Variants in IL4R observed in about 807,000 individuals in gnomAD.
The protein encoded by IL4R is interleukin-4 receptor subunit alpha.
A neutral mutation model predicts 41.5 loss-of-function variants in IL4R; 17 were observed. The ratio of observed to expected loss-of-function variants is 0.41; its 90% CI spans 0.28 to 0.61. IL4R has a LOEUF of 0.61. Ranked by LOEUF, IL4R falls within the 20% of genes least tolerant of loss-of-function variation. IL4R has a pLI of 0.31. For missense variants in IL4R, 974 were observed against 1,043.1 expected (o/e 0.93, Z 0.91); for synonymous variants, 402 against 422.9 (o/e 0.95, Z 0.61).
chr16:27,339,092 TG>T (rs961225866), intron 2 of IL4R, among the ~76,000 whole-genome samples: 19 of 152,116 alleles, frequency 1.2e-4, no homozygotes, highest in Admixed American at 1.3e-4. Flanking sequence ...TGACCTCAGG[TG>T]ATCCACCCAC....
intron 1 of IL4R, among the ~76,000 whole-genome samples, chr16:27,319,237 G>A (rs555023095): frequency 6.6e-6 from 1 of 152,320 alleles, no homozygotes; most frequent in African/African-American, 2.4e-5. Context: ...CAGAGGTCAG[G>A]GAGGGAGCTG....
At chr16:27,352,476 C>T in intron 6 of IL4R, 64 bp from the exon 7 acceptor site, 1 of 1,436,590 alleles carries the variant, frequency 7.0e-7, no homozygotes, top group East Asian at 2.3e-5. Context: ...CGACAGCAAC[C>T]AGGGTGGGCA....
intron 9 of IL4R, 95 bp from the exon 10 acceptor site, chr16:27,360,671 G>C: frequency 6.9e-7 from 1 of 1,445,344 alleles, no homozygotes; most frequent in African/African-American, 1.4e-5. Context: ...TGATCTGTGT[G>C]ATGTCGAGGC....
At chr16:27,313,806 C>A, upstream of IL4R, 1 of 610,414 alleles carries the variant, frequency 1.6e-6, no homozygotes, top group Non-Finnish European at 2.1e-6. Context: ...GGGACAGCGA[C>A]AGGGGCGCGA....
chr16:27,362,763 C>G lies in IL4R; in HGVS notation c.1411C>G (p.Pro471Ala), dbSNP rs1332379277. The G allele has an allele frequency of 1.2e-6, 2 of 1,613,998 alleles. No individual in the cohort carries two copies. The highest frequency in any genetic ancestry group is 1.7e-5 in the Admixed American group (1 of 60,012). Reference sequence around the variant, plus strand: ...GCAGCCTCTCCACCTGGAGCCAAGTCCTCCTGCCAGCCCGACCCAGAGTCC... The same window carrying G: ...GCAGCCTCTCCACCTGGAGCCAAGTGCTCCTGCCAGCCCGACCCAGAGTCC... ...KEQPLHLEPSPPASPTQSPDN... is the reference protein window; with the variant it reads ...KEQPLHLEPSAPASPTQSPDN... Residue 471 changes from proline (P) to alanine (A), a missense_variant, in exon 11 of 11, where the codon CCT becomes GCT. Around this residue, in one of 3 missense-constraint regions of IL4R, gnomAD observed 682 missense variants for 704.3 expected, o/e 0.97. Coordinates refer to ENST00000395762, the MANE Select transcript of IL4R (RefSeq NM_000418.4).
intron 10 of IL4R, among the ~76,000 whole-genome samples, chr16:27,362,009 T>C (rs3024674): frequency 4.2e-4 from 64 of 152,274 alleles, no homozygotes; most frequent in African/African-American, 1.5e-3. Flanking sequence ...ACTCAACAGA[T>C]CTGAGCTTGT....
intron 1 of IL4R, among the ~76,000 whole-genome samples, chr16:27,320,165 C>T (rs920364465): frequency 2.0e-5 from 3 of 152,178 alleles, no homozygotes; most frequent in Non-Finnish European, 4.4e-5. Flanking sequence ...CTGCACGCGG[C>T]CCTGGGTGCG....
chr16:27,339,921 G>A (rs961919255), intron 2 of IL4R, among the ~76,000 whole-genome samples: 1 of 152,194 alleles, frequency 6.6e-6, no homozygotes, highest in Non-Finnish European at 1.5e-5. Context: ...GCCAGGTGTG[G>A]TGGTGGGCAC....
chr16:27,321,931 TATA>T (rs2084824075), intron 1 of IL4R, among the ~76,000 whole-genome samples: 1 of 152,192 alleles, frequency 6.6e-6, no homozygotes, highest in African/African-American at 2.4e-5. Flanking sequence ...ATGTGGTTCC[TATA>T]ATATCAGTGG....
chr16:27,356,098 T>G (rs1288182114), intron 8 of IL4R, among the ~76,000 whole-genome samples, 191 bp downstream of exon 8: 1 of 143,198 alleles, frequency 7.0e-6, no homozygotes, highest in Admixed American at 6.7e-5. Context: ...TTTTTTTTTT[T>G]TTTTTTTTTT....
At chr16:27,347,344 C>T (rs1433779485) in intron 6 of IL4R, among the ~76,000 whole-genome samples, 1 of 152,186 alleles carries the variant, frequency 6.6e-6, no homozygotes, top group Admixed American at 6.5e-5. Flanking sequence ...GCACCTGCCA[C>T]CGTGCCCAGC....
At chr16:27,314,270 C>A in intron 1 of IL4R, 2 of 301,888 alleles carry the variant, frequency 6.6e-6, no homozygotes, top group Non-Finnish European at 9.8e-6. Flanking sequence ...CCGGTGCTGG[C>A]AGTGAGACCT....
rs1261813528 is a variant in IL4R, at chr16:27,362,699, A to T, written c.1347A>T (p.Pro449=). ...TSAHMPWDEF[P]SAGPKEAPPW... is the part of the protein sequence containing the mutation. ...CTCACATGCCCTGGGATGAGTTCCCAAGTGCAGGGCCCAAGGAGGCACCTC... is the reference window on the plus strand; with the variant it reads ...CTCACATGCCCTGGGATGAGTTCCCTAGTGCAGGGCCCAAGGAGGCACCTC... Residue 449 remains proline, a synonymous_variant, in exon 11 of 11, where the codon CCA becomes CCT. Transcript: ENST00000395762. 1.9e-6 allele frequency: 3 copies of T among 1,614,000 alleles called. No homozygotes were observed. In the African/African-American group the frequency reaches 4.0e-5, roughly 22 times the overall value.
rs2085587104 is a variant in IL4R at position 27,344,962 on chromosome 16, G to A, written c.303G>A (p.Leu101=). ...TGGTCAGTGCGGATAACTATACACTGGACCTGTGGGCTGGGCAGCAGCTGC... is the reference window on the plus strand; with the variant it reads ...TGGTCAGTGCGGATAACTATACACTAGACCTGTGGGCTGGGCAGCAGCTGC... ...DDVVSADNYT[L]DLWAGQQLLW... Residue 101 remains leucine, a synonymous_variant, in exon 5 of 11, where the codon CTG becomes CTA. Transcript: ENST00000395762. 2 of 1,614,060 alleles carry A rather than the reference G, an allele frequency of 1.2e-6. No individual in the cohort carries two copies. Among genetic ancestry groups the A allele is most frequent in the Non-Finnish European group, 1.7e-6 (2 of 1,180,026 alleles).
At chr16:27,338,477 C>G (rs1196910139) in intron 2 of IL4R, among the ~76,000 whole-genome samples, 1 of 151,976 alleles carries the variant, frequency 6.6e-6, no homozygotes, top group Non-Finnish European at 1.5e-5. Context: ...CCTTAGCCTC[C>G]CAAAGTGCTG....
intron 8 of IL4R, among the ~76,000 whole-genome samples, chr16:27,357,763 A>G (rs1257643986): frequency 6.6e-6 from 1 of 150,734 alleles, no homozygotes. Context: ...TGCCTGGCCA[A>G]TTTTCTTACA....
intron 1 of IL4R, among the ~76,000 whole-genome samples, chr16:27,316,906 C>CTTT (rs34508839): frequency 0.014 from 2,000 of 145,816 alleles, 49 homozygotes; most frequent in African/African-American, 0.042. Flanking sequence ...AAATGAATAC[C>CTTT]TTTTTTTTTT....
At position 27,345,283 on chromosome 16, in the gene IL4R, T is replaced by C; in HGVS notation, c.361+263T>C. 1.6e-6 allele frequency: 1 copy of C among 618,108 alleles called. No homozygotes were observed. Among genetic ancestry groups the C allele is most frequent in the Non-Finnish European group, 3.0e-6 (1 of 332,244 alleles). 38.3% of individuals were successfully genotyped at this position (618,108 alleles called of 1,614,324 possible). On this transcript the variant is annotated intron_variant, in intron 5 of 10. Transcript: ENST00000395762. This position sits in a 1 kb window ranked among gnomAD's most constrained non-coding sequence, Gnocchi z 4.5. ...GAACTTAAGTGCCCAGGAAGGCGTA[T>C]TGAGATGAGGTGTGCTTGCTGGAAG...
At position 27,319,944 on chromosome 16, in the gene IL4R, A is replaced by T. The variant is rs570277818; in HGVS notation, c.-152+5924A>T. Among the ~76,000 whole-genome samples, 3 of 151,980 alleles carry T rather than the reference A, an allele frequency of 2.0e-5. 1 individual carries two copies. Among genetic ancestry groups the T allele is most frequent in the African/African-American group, 7.2e-5 (3 of 41,440 alleles). On this transcript the variant is annotated intron_variant, in intron 1 of 10. Coordinates refer to ENST00000395762, the MANE Select transcript of IL4R (RefSeq NM_000418.4). ...GAGTGCAATGGTGCGATCTTGGCTC[A>T]CTGCAATCTCCACCTCCCCATGTTC...
Sources: gnomAD v4.1 joint callset for allele counts (sites outside exome capture counted in the v4.1 genomes callset) on GRCh38, gnomAD v4.1.1 for gene constraint, gnomAD v4.1.1 regional missense constraint, Gnocchi (gnomAD v3.1) non-coding constraint, MANE v1.5 for transcripts, NCBI Gene and HGNC (gene_info 2026-07-23, HGNC 2026-07-21) for gene names.